Variants in ERCC6 observed in about 807,000 individuals in gnomAD.
ERCC6 encodes the protein ERCC excision repair 6, chromatin remodeling factor, also known as DNA excision repair protein ERCC-6.
In ERCC6, 116 loss-of-function variants were observed where a neutral mutation model predicts 158.7. The ratio of observed to expected loss-of-function variants is 0.73; its 90% CI spans 0.63 to 0.85. The LOEUF is 0.85. Among genes scored for constraint, ERCC6 ranks in the 40% least tolerant of loss-of-function variants. ERCC6 has a pLI of 0.00. For synonymous variants in ERCC6, 678 were observed against 659.3 expected, an observed-to-expected ratio of 1.03 and a Z score of -0.43; for missense variants, 1,698 against 1,799.4, an observed-to-expected ratio of 0.94 and a Z score of 1.02.
chr10:49,515,590 G>GTTTCTCATCATATGT (rs762332442), intron 5 of ERCC6: 1 of 1,613,868 alleles, frequency 6.2e-7, no homozygotes, highest in African/African-American at 1.3e-5. Flanking sequence ...AAATCCACTG[G>GTTTCTCATCATATGT]TTTCTCATCA....
chr10:49,453,315 C>T (rs889172554), downstream of ERCC6, among the ~76,000 whole-genome samples: 24 of 152,190 alleles, frequency 1.6e-4, no homozygotes, highest in African/African-American at 4.8e-4. Flanking sequence ...TAGCTATATT[C>T]CCTTTCCCCC....
chr10:49,474,547 T>C (rs1850841105), intron 12 of ERCC6, among the ~76,000 whole-genome samples: 1 of 152,176 alleles, frequency 6.6e-6, no homozygotes, highest in South Asian at 2.1e-4. Flanking sequence ...CAGTTCACGG[T>C]ATTATAAACC....
At position 49,525,079 on chromosome 10, in the gene ERCC6, T is replaced by C. The variant is rs993591063; in HGVS notation, c.653-302A>G. On this transcript the variant is annotated intron_variant, in intron 4 of 20. Coordinates refer to ENST00000355832, the MANE Select transcript of ERCC6 (RefSeq NM_000124.4). ...ATTACTGTATAAATACAGTTATAAA[T>C]AGTCAAGTTTAGCTGTGTTTCCTTA... 4.4e-5 allele frequency: 20 copies of C among 458,352 alleles called. No individual in the cohort carries two copies. In the East Asian group the frequency reaches 7.9e-4, roughly 18 times the overall value. 28.4% of individuals were successfully genotyped at this position (458,352 alleles called of 1,614,324 possible).
At chr10:49,472,814 G>A in intron 15 of ERCC6, 95 bp downstream of exon 15, 1 of 1,478,524 alleles carries the variant, frequency 6.8e-7, no homozygotes, top group Non-Finnish European at 9.2e-7. Context: ...AACGTATGCT[G>A]AAGCCAACCA....
intron 18 of ERCC6, among the ~76,000 whole-genome samples, chr10:49,469,694 G>A (rs1850738044): frequency 6.6e-6 from 1 of 152,112 alleles, no homozygotes; most frequent in Admixed American, 6.5e-5. Flanking sequence ...CACTAAGCAG[G>A]GCTATCTATA....
At chr10:49,534,652 C>T (rs193000115) in intron 1 of ERCC6, among the ~76,000 whole-genome samples, 2 of 152,274 alleles carry the variant, frequency 1.3e-5, no homozygotes, top group Admixed American at 1.3e-4. Context: ...ATACTCAGGA[C>T]CTGCTGCTTT....
At chr10:49,534,147 A>C (rs1436901530) in intron 1 of ERCC6, among the ~76,000 whole-genome samples, 8 of 148,972 alleles carry the variant, frequency 5.4e-5, no homozygotes, top group South Asian at 2.2e-4. Flanking sequence ...AAAAAAAAAA[A>C]AAAAAAACAA....
the ERCC6 span, among the ~76,000 whole-genome samples, chr10:49,438,369 A>G: frequency 6.6e-6 from 1 of 152,174 alleles, no homozygotes; most frequent in Non-Finnish European, 1.5e-5. Flanking sequence ...GGCAGTGGCA[A>G]GAGAAAGTGA....
chr10:49,498,133 TTC>T (rs991760529), intron 7 of ERCC6, among the ~76,000 whole-genome samples: 16 of 152,308 alleles, frequency 1.1e-4, no homozygotes, highest in African/African-American at 3.8e-4. Flanking sequence ...AGCAATATGT[TTC>T]TCTGTCTTCT....
intron 5 of ERCC6, chr10:49,506,493 TG>T (rs1043826718): frequency 1.8e-5 from 3 of 164,872 alleles, no homozygotes; most frequent in African/African-American, 7.2e-5. Flanking sequence ...AAAGCAAATT[TG>T]GGGTCAAAAT....
the ERCC6 span, among the ~76,000 whole-genome samples, chr10:49,435,225 A>C: frequency 6.6e-6 from 1 of 152,248 alleles, no homozygotes; most frequent in Non-Finnish European, 1.5e-5. Flanking sequence ...AAAAACTGAT[A>C]GATTTATAAA....
chr10:49,492,857 G>C (rs550762495), intron 8 of ERCC6, among the ~76,000 whole-genome samples: 5 of 152,292 alleles, frequency 3.3e-5, no homozygotes, highest in Admixed American at 3.3e-4. Flanking sequence ...CTTGTGCCCT[G>C]TCTGAGATGA....
At chr10:49,509,379 A>G (rs1293584755) in intron 5 of ERCC6, among the ~76,000 whole-genome samples, 1 of 152,194 alleles carries the variant, frequency 6.6e-6, no homozygotes, top group Non-Finnish European at 1.5e-5. Context: ...ATGTGGCCCA[A>G]TGCAATGTGC....
the ERCC6 span, among the ~76,000 whole-genome samples, chr10:49,444,978 C>T: frequency 6.6e-6 from 1 of 152,042 alleles, no homozygotes; most frequent in African/African-American, 2.4e-5. Flanking sequence ...GGGTTCCCCA[C>T]CTTCATCCCA....
intron 5 of ERCC6, chr10:49,515,576 C>G (rs1267540054): frequency 6.2e-7 from 1 of 1,613,974 alleles, no homozygotes; most frequent in East Asian, 2.2e-5. Context: ...GACGAAACTC[C>G]AGAAAATCCA....
At chr10:49,448,531 A>C in the ERCC6 span, among the ~76,000 whole-genome samples, 1 of 152,228 alleles carries the variant, frequency 6.6e-6, no homozygotes, top group East Asian at 1.9e-4. Context: ...GATACATGCA[A>C]CCATCACCAC....
chr10:49,522,070 C>T (rs542198960), intron 5 of ERCC6, among the ~76,000 whole-genome samples: 2 of 152,236 alleles, frequency 1.3e-5, no homozygotes, highest in East Asian at 3.9e-4. Context: ...GGGTGCCTAC[C>T]CTGGGAACTA....
chr10:49,524,395 T>G lies in ERCC6; in HGVS notation c.1035A>C (p.Lys345Asn), dbSNP rs758257014. The G allele has an allele frequency of 3.1e-6, 5 of 1,614,092 alleles. No individual in the cohort carries two copies. In the African/African-American group the frequency reaches 6.7e-5, roughly 22 times the overall value. Residue 345 changes from lysine (K) to asparagine (N), a missense_variant, in exon 5 of 21, where the codon AAA (lysine) becomes AAC (asparagine). Lys to Asn is a moderately conservative substitution (Grantham distance 94). Coordinates refer to ENST00000355832, the MANE Select transcript of ERCC6 (RefSeq NM_000124.4). ...LQKRALQFQG[K>N]VGLPKARRPW... ...GTCTCCTTGCCTTTGGCAATCCCAC[T>G]TTCCCCTGGAACTGCAAAGCCCTCT...
intron 5 of ERCC6, among the ~76,000 whole-genome samples, chr10:49,522,459 T>C (rs1564441129): frequency 6.6e-6 from 1 of 152,238 alleles, no homozygotes; most frequent in Admixed American, 6.5e-5. Flanking sequence ...GAGTTATTGA[T>C]ATTTCTGAAA....
Sources: gnomAD v4.1 joint callset for allele counts (sites outside exome capture counted in the v4.1 genomes callset) on GRCh38, gnomAD v4.1.1 for gene constraint, MANE v1.5 for transcripts, NCBI Gene and HGNC (gene_info 2026-07-23, HGNC 2026-07-21) for gene names.